INTS6: variants seen among roughly 807,000 people sequenced by gnomAD.
INTS6 encodes integrator complex subunit 6.
Under a neutral mutation model 104.9 loss-of-function variants are expected in INTS6, and 16 were observed. That is an observed-to-expected ratio of 0.15 (90% CI 0.10 to 0.23). The LOEUF is 0.23. Ranked by LOEUF, INTS6 falls within the 10% of genes least tolerant of loss-of-function variation. The probability of loss-of-function intolerance (pLI) is 1.00; values close to 1 mark genes in which losing one functional copy is unlikely to be tolerated. For synonymous variants in INTS6, 324 were observed against 358.7 expected, an observed-to-expected ratio of 0.90 and a Z score of 1.09; for missense variants, 584 against 1,062.8, an observed-to-expected ratio of 0.55 and a Z score of 6.26.
Position 51,378,331 on chromosome 13 carries a change from G to C in INTS6, c.1510C>G (p.Leu504Val). ...SMAYRKDFQQ[L>V]LQGISEDVPH... ...ACATCCTCTGAAATTCCCTGGAGGA[G>C]TTGTTGAAAATCTTTCCTATATGCC... The change falls in exon 12 of 18, where the codon CTC becomes GTC. Residue 504 changes from leucine to valine, a missense_variant. Physicochemically the swap from Leu to Val is conservative, Grantham distance 32. This residue lies in a region of INTS6 where 74 missense variants were observed against 64.4 expected (regional missense o/e 1.15). Coordinates refer to ENST00000311234, the MANE Select transcript of INTS6 (RefSeq NM_012141.3). 2 of 1,613,464 alleles carry C rather than the reference G, an allele frequency of 1.2e-6. No homozygotes were observed. Among genetic ancestry groups the C allele is most frequent in the South Asian group, 2.2e-5 (2 of 91,072 alleles).
intron 4 of INTS6, among the ~76,000 whole-genome samples, chr13:51,429,785 A>AT (rs1555290260): frequency 5.6e-4 from 52 of 92,364 alleles, no homozygotes; most frequent in East Asian, 3.0e-3. Flanking sequence ...AAAAAAAAAA[A>AT]ATATATATAT....
At chr13:51,396,439 G>C (rs915211706) in intron 4 of INTS6, among the ~76,000 whole-genome samples, 2 of 152,112 alleles carry the variant, frequency 1.3e-5, no homozygotes, top group Admixed American at 6.6e-5. Context: ...AGATTCTTAA[G>C]CATCTTAAAA....
intron 3 of INTS6, chr13:51,445,909 A>C (rs1952906899): frequency 6.6e-6 from 1 of 152,244 alleles, no homozygotes; most frequent in African/African-American, 2.4e-5. Flanking sequence ...CCCTTACCTT[A>C]TACCATATAC....
At position 51,362,148 on chromosome 13, in the gene INTS6, TAATGCTATAGG is replaced by T; in HGVS notation, c.*3593_*3603del. The stretch of plus-strand genomic sequence containing the variant: ...TATAGTTAATGTAGATTTTTTTTTT[TAATGCTATAGG>T]TTTCTACTTCTGAAGACACTTGGAA... On this transcript the variant is annotated 3_prime_UTR_variant, in exon 18 of 18. Coordinates refer to ENST00000311234, the MANE Select transcript of INTS6 (RefSeq NM_012141.3). The T allele has an allele frequency of 1.9e-6, 2 of 1,063,808 alleles. No homozygotes were observed. Among genetic ancestry groups the T allele is most frequent in the Non-Finnish European group, 2.5e-6 (2 of 787,508 alleles). 65.9% of individuals were successfully genotyped at this position (1,063,808 alleles called of 1,614,324 possible).
intron 10 of INTS6, among the ~76,000 whole-genome samples, chr13:51,381,700 T>C (rs1255495911): frequency 3.0e-5 from 3 of 99,248 alleles, no homozygotes; most frequent in African/African-American, 1.3e-4. Context: ...ACAAGTTTTT[T>C]GTTTTTTTTT....
intron 3 of INTS6, chr13:51,450,003 T>G (rs922903808): frequency 2.0e-6 from 2 of 985,222 alleles, no homozygotes; most frequent in Admixed American, 1.2e-4. Context: ...AGCTTAAAAT[T>G]TCCTAAAACA....
chr13:51,445,353 G>A (rs1484754467), intron 3 of INTS6: 1 of 151,848 alleles, frequency 6.6e-6, no homozygotes, highest in Non-Finnish European at 1.5e-5. Context: ...CATATACTTC[G>A]TGATACTAAT....
intron 3 of INTS6, chr13:51,448,166 T>A (rs1453251235): frequency 6.6e-6 from 1 of 152,230 alleles, no homozygotes; most frequent in Admixed American, 6.5e-5. Flanking sequence ...ATTTTATACA[T>A]TTCCTAATTT....
downstream of INTS6, among the ~76,000 whole-genome samples, chr13:51,357,712 G>A (rs1157659318): frequency 6.6e-6 from 1 of 151,870 alleles, no homozygotes; most frequent in East Asian, 1.9e-4. Flanking sequence ...GCTTTTAAGA[G>A]TAATTCCAGT....
chr13:51,450,393 G>T, intron 3 of INTS6: 1 of 985,318 alleles, frequency 1.0e-6, no homozygotes, highest in Non-Finnish European at 1.2e-6. Context: ...GAAACGAAGG[G>T]TTCTTTCATA....
At chr13:51,391,198 GAAGTTTAC>G (rs1311851516) in intron 5 of INTS6, among the ~76,000 whole-genome samples, 1 of 152,012 alleles carries the variant, frequency 6.6e-6, no homozygotes, top group Admixed American at 6.6e-5. Flanking sequence ...CAAAATATTA[GAAGTTTAC>G]ATAAAGGTTG....
chr13:51,397,131 A>G (rs1956354402), intron 4 of INTS6, among the ~76,000 whole-genome samples: 1 of 152,172 alleles, frequency 6.6e-6, no homozygotes, highest in African/African-American at 2.4e-5. Context: ...AGCAAGACCT[A>G]ATTGTATTGT....
chr13:51,341,425 A>G, the INTS6 span: 2 of 1,281,342 alleles, frequency 1.6e-6, no homozygotes, highest in African/African-American at 2.9e-5. Context: ...CCTCCTGCTC[A>G]CACTCACACT....
intron 3 of INTS6, chr13:51,442,495 A>G (rs1377965675): frequency 1.3e-5 from 2 of 152,218 alleles, no homozygotes; most frequent in East Asian, 3.9e-4. Context: ...CTGGGTTCTC[A>G]GTAAACTTTT....
At chr13:51,395,942 T>A (rs892095978) in intron 4 of INTS6, among the ~76,000 whole-genome samples, 14 of 151,982 alleles carry the variant, frequency 9.2e-5, no homozygotes, top group Non-Finnish European at 1.3e-4. Context: ...GGATTACAGG[T>A]ACGCAACACC....
intron 10 of INTS6, among the ~76,000 whole-genome samples, chr13:51,379,833 G>A (rs573449761): frequency 7.9e-5 from 12 of 152,014 alleles, no homozygotes; most frequent in Non-Finnish European, 1.6e-4. Flanking sequence ...TGGTACCACT[G>A]GGAGAAACTA....
At chr13:51,355,544 A>G (rs1046487116) in intron 3 of INTS6, among the ~76,000 whole-genome samples, 2 of 151,872 alleles carry the variant, frequency 1.3e-5, no homozygotes, top group Non-Finnish European at 2.9e-5. Context: ...CTCCTTCCCA[A>G]TACCTTCTCT....
intron 4 of INTS6, among the ~76,000 whole-genome samples, chr13:51,400,625 G>T (rs975598542): frequency 6.6e-6 from 1 of 151,994 alleles, no homozygotes; most frequent in Non-Finnish European, 1.5e-5. Flanking sequence ...GTCTATTTCT[G>T]TGTCAAAAAC....
chr13:51,399,579 T>C (rs549052137), intron 4 of INTS6, among the ~76,000 whole-genome samples: 1 of 152,338 alleles, frequency 6.6e-6, no homozygotes, highest in South Asian at 2.1e-4. Flanking sequence ...TTTCATCAGA[T>C]ACTGCCAGTT....
Sources: allele counts gnomAD v4.1 joint callset (sites outside exome capture counted in the v4.1 genomes callset), GRCh38; gene constraint gnomAD v4.1.1; regional missense constraint gnomAD v4.1.1; transcripts MANE v1.5; gene names NCBI Gene and HGNC (gene_info 2026-07-23, HGNC 2026-07-21).